Variants in MEI4 observed in about 807,000 individuals in gnomAD.
MEI4 encodes meiosis-specific protein MEI4.
MEI4 carries 27 observed loss-of-function variants against 31.4 expected under a neutral mutation model. The ratio of observed to expected loss-of-function variants is 0.86; its 90% CI spans 0.63 to 1.19. The LOEUF (loss-of-function observed/expected upper bound fraction) is 1.19, where lower values mean the gene tolerates loss of function less well. Ranked by LOEUF, MEI4 falls within the 50% of genes most tolerant of loss-of-function variation. The probability of loss-of-function intolerance (pLI) is 0.00; values close to 1 mark genes in which losing one functional copy is unlikely to be tolerated. For missense variants in MEI4, 329 were observed against 398.9 expected, an observed-to-expected ratio of 0.82 and a Z score of 1.49; for synonymous variants, 122 against 145.4, an observed-to-expected ratio of 0.84 and a Z score of 1.16.
chr6:77,818,797 G>C (rs2127707555), intron 3 of MEI4, among the ~76,000 whole-genome samples: 1 of 152,222 alleles, frequency 6.6e-6, no homozygotes, highest in South Asian at 2.1e-4. Flanking sequence ...CACAATCATA[G>C]CTCACTTACT....
intron 4 of MEI4, among the ~76,000 whole-genome samples, chr6:77,876,498 T>G (rs1239792365): frequency 2.6e-5 from 4 of 152,040 alleles, no homozygotes; most frequent in Non-Finnish European, 5.9e-5. Context: ...GCCTCCAGAA[T>G]CATGAGTCAA....
chr6:77,694,369 G>T (rs1050699557), intron 2 of MEI4, among the ~76,000 whole-genome samples: 8 of 151,698 alleles, frequency 5.3e-5, no homozygotes, highest in Non-Finnish European at 8.8e-5. Context: ...CCATTAACTC[G>T]TCATTTAGCA....
At chr6:77,658,033 G>T (rs969159295) in intron 1 of MEI4, among the ~76,000 whole-genome samples, 1 of 152,342 alleles carries the variant, frequency 6.6e-6, no homozygotes, top group East Asian at 1.9e-4. Flanking sequence ...ATGCGTGTCC[G>T]TGTGAAGAGA....
At chr6:77,714,200 C>T (rs2127661069) in intron 2 of MEI4, among the ~76,000 whole-genome samples, 1 of 151,478 alleles carries the variant, frequency 6.6e-6, no homozygotes, top group Non-Finnish European at 1.5e-5. Context: ...ACAACACACT[C>T]CATGACACAA....
intron 1 of MEI4, among the ~76,000 whole-genome samples, chr6:77,659,301 T>A (rs1252940076): frequency 6.6e-6 from 1 of 152,042 alleles, no homozygotes; most frequent in East Asian, 1.9e-4. Context: ...GGAAGACTAG[T>A]GTGCATGTGC....
intron 4 of MEI4, among the ~76,000 whole-genome samples, chr6:77,915,896 C>CAAAT (rs147016008): frequency 0.018 from 2,664 of 152,036 alleles, 80 homozygotes; most frequent in African/African-American, 0.06. Context: ...ACTGGAAATT[C>CAAAT]AAATATTTGT....
intron 4 of MEI4, among the ~76,000 whole-genome samples, chr6:77,856,020 A>G (rs1770738592): frequency 6.6e-6 from 1 of 152,150 alleles, no homozygotes; most frequent in Admixed American, 6.6e-5. Flanking sequence ...TTCTCCTAAT[A>G]AAATTTTCTT....
At chr6:77,823,920 G>T (rs1281378863) in intron 3 of MEI4, among the ~76,000 whole-genome samples, 1 of 152,136 alleles carries the variant, frequency 6.6e-6, no homozygotes, top group Non-Finnish European at 1.5e-5. Flanking sequence ...GGTTGATGGT[G>T]CAGTGTAATA....
intron 3 of MEI4, among the ~76,000 whole-genome samples, chr6:77,774,611 G>T (rs1367200307): frequency 6.6e-6 from 1 of 151,920 alleles, no homozygotes. Flanking sequence ...GGTAGAGTTG[G>T]AGTAAGAATT....
intron 3 of MEI4, among the ~76,000 whole-genome samples, chr6:77,794,037 A>G (rs75311440): frequency 6.6e-6 from 1 of 152,206 alleles, no homozygotes; most frequent in African/African-American, 2.4e-5. Flanking sequence ...AGATTCTACC[A>G]CATGGCTGCC....
intron 4 of MEI4, among the ~76,000 whole-genome samples, chr6:77,909,608 C>A (rs963198422): frequency 1.3e-5 from 2 of 152,136 alleles, no homozygotes; most frequent in Non-Finnish European, 2.9e-5. Flanking sequence ...GATGGATTCA[C>A]AGCCAAATTC....
At chr6:77,666,857 CTGTG>C (rs754710415) in intron 1 of MEI4, among the ~76,000 whole-genome samples, 1,835 of 148,304 alleles carry the variant, frequency 0.012, 20 homozygotes, top group Middle Eastern at 0.045. Flanking sequence ...CTACATGCCT[CTGTG>C]TGTGTGTGTG....
chr6:77,876,915 A>G (rs1771355120), intron 4 of MEI4, among the ~76,000 whole-genome samples: 2 of 152,116 alleles, frequency 1.3e-5, no homozygotes, highest in Admixed American at 1.3e-4. Flanking sequence ...AAGGAAAAGG[A>G]GGGAAAAAAA....
intron 2 of MEI4, among the ~76,000 whole-genome samples, chr6:77,732,532 A>AGAT (rs1767033809): frequency 6.7e-6 from 1 of 148,690 alleles, no homozygotes; most frequent in Non-Finnish European, 1.5e-5. Flanking sequence ...TTTTGGGCTG[A>AGAT]GACAAGGGGT....
chr6:77,732,235 C>T (rs560823038), intron 2 of MEI4, among the ~76,000 whole-genome samples: 40 of 151,940 alleles, frequency 2.6e-4, no homozygotes, highest in Middle Eastern at 3.4e-3. Flanking sequence ...GCCATTTTCA[C>T]GATATTGATT....
chr6:77,867,195 A>C (rs1771055653), intron 4 of MEI4, among the ~76,000 whole-genome samples: 2 of 152,210 alleles, frequency 1.3e-5, no homozygotes, highest in African/African-American at 4.8e-5. Context: ...CACCAAAAGC[A>C]ATGGCAACAA....
intron 3 of MEI4, among the ~76,000 whole-genome samples, chr6:77,777,710 A>AAT (rs1434318207): frequency 6.6e-6 from 1 of 152,188 alleles, no homozygotes; most frequent in African/African-American, 2.4e-5. Context: ...GCAGATATCT[A>AAT]AGGAAATAAT....
intron 3 of MEI4, among the ~76,000 whole-genome samples, chr6:77,789,784 G>C (rs1030606826): frequency 6.6e-6 from 1 of 152,170 alleles, no homozygotes; most frequent in African/African-American, 2.4e-5. Context: ...TGGAGAAATA[G>C]GAACACTTTT....
intron 3 of MEI4, among the ~76,000 whole-genome samples, chr6:77,783,497 A>G (rs1331973321): frequency 6.6e-6 from 1 of 151,980 alleles, no homozygotes; most frequent in African/African-American, 2.4e-5. Context: ...AGAAGTATGT[A>G]TTTTTTTTCT....
Sources: gnomAD v4.1 joint callset for allele counts (sites outside exome capture counted in the v4.1 genomes callset) on GRCh38, gnomAD v4.1.1 for gene constraint, MANE v1.5 for transcripts, NCBI Gene and HGNC (gene_info 2026-07-23, HGNC 2026-07-21) for gene names.